AFAP1L2: variants seen among roughly 807,000 people sequenced by gnomAD.
AFAP1L2 encodes actin filament associated protein 1 like 2, also known as actin filament-associated protein 1-like 2.
Under a neutral mutation model 99.3 loss-of-function variants are expected in AFAP1L2, and 46 were observed. That is an observed-to-expected ratio of 0.46 (90% confidence interval 0.37 to 0.59). The LOEUF is 0.59. Ranked by LOEUF, AFAP1L2 falls within the 20% of genes least tolerant of loss-of-function variation. The probability of loss-of-function intolerance (pLI) is 0.00; values close to 1 mark genes in which losing one functional copy is unlikely to be tolerated. For missense variants in AFAP1L2, 959 were observed against 1,034.9 expected (o/e 0.93, Z 1.01); for synonymous variants, 397 against 419.1 (o/e 0.95, Z 0.64).
chr10:114,305,504 G>GAGATGC (rs2042099284), intron 10 of AFAP1L2, among the ~76,000 whole-genome samples: 9 of 136,460 alleles, frequency 6.6e-5, no homozygotes, highest in South Asian at 2.5e-4. Context: ...GCTGCAGGAG[G>GAGATGC]AGATGCAGGA....
intron 4 of AFAP1L2, chr10:114,325,940 G>A: frequency 7.8e-7 from 1 of 1,289,350 alleles, no homozygotes; most frequent in South Asian, 1.2e-5. Context: ...GATCTGGCTG[G>A]GCCTCCAGCT....
intron 4 of AFAP1L2, among the ~76,000 whole-genome samples, chr10:114,329,390 C>T (rs527317867): frequency 5.3e-5 from 8 of 152,216 alleles, no homozygotes; most frequent in Non-Finnish European, 1.0e-4. Flanking sequence ...GCTTGTAAAA[C>T]ACAATTTCTA....
the AFAP1L2 span, among the ~76,000 whole-genome samples, chr10:114,284,278 T>C: frequency 2.0e-5 from 3 of 152,242 alleles, no homozygotes; most frequent in African/African-American, 7.2e-5. Flanking sequence ...GTTTTTTTAG[T>C]GCTGAGACTT....
chr10:114,389,489 A>G (rs2056889883), intron 1 of AFAP1L2, among the ~76,000 whole-genome samples: 1 of 152,238 alleles, frequency 6.6e-6, no homozygotes, highest in Non-Finnish European at 1.5e-5. Context: ...ATCAGGTACT[A>G]GAAAAATCTA....
chr10:114,337,740 G>A (rs1013036606), intron 2 of AFAP1L2, among the ~76,000 whole-genome samples: 3 of 152,220 alleles, frequency 2.0e-5, no homozygotes, highest in African/African-American at 7.2e-5. Flanking sequence ...CAAGATCCAC[G>A]GGTCAGACTT....
chr10:114,371,611 T>C (rs2054111692), intron 1 of AFAP1L2, among the ~76,000 whole-genome samples: 2 of 150,684 alleles, frequency 1.3e-5, no homozygotes, highest in South Asian at 2.1e-4. Context: ...AGTTGAACAA[T>C]GAGAACACAT....
the AFAP1L2 span, among the ~76,000 whole-genome samples, chr10:114,287,822 G>T: frequency 6.6e-6 from 1 of 152,170 alleles, no homozygotes; most frequent in Non-Finnish European, 1.5e-5. Flanking sequence ...TATCATTAAT[G>T]AACCAGTATT....
Position 114,295,442 on chromosome 10 carries a change from T to C in AFAP1L2, c.*600A>G, listed in dbSNP as rs1474822612. The C allele has an allele frequency of 1.0e-6, 1 of 985,616 alleles. No individual in the cohort carries two copies. The highest frequency in any genetic ancestry group is 1.7e-5 in the African/African-American group (1 of 57,236). 61.1% of individuals were successfully genotyped at this position (985,616 alleles called of 1,614,324 possible). A position where few individuals can be genotyped will look rare whatever the true frequency, so the allele number is the denominator to read the frequency against. ...TAGTGCTTCAGCTTGGTCCCAAATA[T>C]TTTCCCCATTATTGTTTCTCAAAAC... On this transcript the variant is annotated 3_prime_UTR_variant, in exon 19 of 19. Coordinates refer to ENST00000304129, the MANE Select transcript of AFAP1L2 (RefSeq NM_001001936.3).
chr10:114,363,282 G>A, intron 1 of AFAP1L2: 1 of 642,366 alleles, frequency 1.6e-6, no homozygotes, highest in East Asian at 1.4e-4. Flanking sequence ...GTAACATGTA[G>A]CCTGCAGAAT....
rs114603002 is a variant in AFAP1L2, at chr10:114,321,175, T to C, written c.406+1996A>G. Among the ~76,000 whole-genome samples, 1,023 of 152,300 alleles carry C rather than the reference T, an allele frequency of 6.7e-3. 11 individuals are homozygous for C. The highest frequency in any genetic ancestry group is 0.024 in the African/African-American group (987 of 41,546). On this transcript the variant is annotated intron_variant, in intron 5 of 18. Coordinates refer to ENST00000304129, the MANE Select transcript of AFAP1L2 (RefSeq NM_001001936.3). ...TTGGGGTTCAGGTGGATGCATTCTT[T>C]AATGATGATTTCTGAGATAGTGCAC...
intron 1 of AFAP1L2, among the ~76,000 whole-genome samples, chr10:114,400,448 G>A (rs1326504450): frequency 1.3e-5 from 2 of 152,190 alleles, no homozygotes; most frequent in Non-Finnish European, 2.9e-5. Context: ...CAAGTACAAG[G>A]AGCAAACCCT....
At chr10:114,359,519 T>G (rs2051906780) in intron 1 of AFAP1L2, among the ~76,000 whole-genome samples, 1 of 152,202 alleles carries the variant, frequency 6.6e-6, no homozygotes, top group Non-Finnish European at 1.5e-5. Flanking sequence ...TGCAAATGGA[T>G]CAACTTTCCC....
rs58275552 is a variant in AFAP1L2 at position 114,312,234 on chromosome 10, AGTGTGTGTGTGTGTGTGTGTGTGTGT to A, written c.792+1611_792+1636del. Among the ~76,000 whole-genome samples the A allele has an allele frequency of 7.6e-5, 11 of 145,608 alleles. No individual in the cohort carries two copies. In the South Asian group the frequency reaches 1.6e-3, roughly 21 times the overall value. On this transcript the variant is annotated intron_variant, in intron 7 of 18. Transcript: ENST00000304129. ...AGCGGGGAACTGGGGGCAAGAGCAG[AGTGTGTGTGTGTGTGTGTGTGTGTGT>A]GTGTGTGTGTGTGTGTGTGTGTACA...
intron 1 of AFAP1L2, among the ~76,000 whole-genome samples, chr10:114,402,733 C>A (rs2058340589): frequency 6.6e-6 from 1 of 152,164 alleles, no homozygotes; most frequent in Non-Finnish European, 1.5e-5. Flanking sequence ...AATACAAAAG[C>A]CTTCTGAGAA....
chr10:114,327,150 TATATATATATATATA>T lies in AFAP1L2; in HGVS notation c.316-3904_316-3890del, dbSNP rs1193608567. ...AGACCGTGAATTTTATATATATTTA[TATATATATATATATA>T]TATATATATTTTTTTTTTAGGCAGA... On this transcript the variant is annotated intron_variant, in intron 4 of 18. Coordinates refer to ENST00000304129, the MANE Select transcript of AFAP1L2 (RefSeq NM_001001936.3). Among the ~76,000 whole-genome samples, 4 of 12,104 alleles carry T rather than the reference TATATATATATATATA, an allele frequency of 3.3e-4. 2 individuals carry two copies. In the East Asian group the frequency reaches 0.014, roughly 44 times the overall value. 7.9% of individuals were successfully genotyped at this position (12,104 alleles called of 152,430 possible).
In AFAP1L2 at chr10:114,340,679, C is replaced by T; in HGVS notation, c.69G>A (p.Gln23=). ...CCAGTGCTGTGCTGCTCAGGTTCTC[C>T]TGGTCAAGAATCTTGAGGAAGTCAT... is the stretch of plus-strand genomic sequence containing the variant. ...ELDDFLKILD[Q]ENLSSTALVK... The change falls in exon 2 of 19, where the codon CAG becomes CAA. Residue 23 remains glutamine, a synonymous_variant. Coordinates refer to ENST00000304129, the MANE Select transcript of AFAP1L2 (RefSeq NM_001001936.3). 1 of 1,614,212 alleles carries T rather than the reference C, an allele frequency of 6.2e-7. No homozygotes were observed. The highest frequency in any genetic ancestry group is 8.5e-7 in the Non-Finnish European group (1 of 1,180,032).
In AFAP1L2 at chr10:114,356,247, A is replaced by G. The variant is rs969028545; in HGVS notation, c.17-15516T>C. The stretch of plus-strand genomic sequence containing the variant: ...AGGAATAAAGTACATTAATATTTCT[A>G]TAATAAAATACACAATTATTTATAG... On this transcript the variant is annotated intron_variant, in intron 1 of 18. Coordinates refer to ENST00000304129, the MANE Select transcript of AFAP1L2 (RefSeq NM_001001936.3). 1.8e-4 allele frequency among the ~76,000 whole-genome samples: 28 copies of G among 152,344 alleles called. 1 individual carries two copies. The highest frequency in any genetic ancestry group is 1.7e-3 in the Admixed American group (26 of 15,300).
chr10:114,364,487 C>T (rs2052914990), intron 1 of AFAP1L2, among the ~76,000 whole-genome samples: 1 of 152,098 alleles, frequency 6.6e-6, no homozygotes, highest in Non-Finnish European at 1.5e-5. Flanking sequence ...GCATCCCTCC[C>T]ATCTCTGCCT....
chr10:114,297,075 G>A lies in AFAP1L2; in HGVS notation c.2333C>T (p.Ala778Val). Residue 778 changes from alanine (A) to valine (V), a missense_variant, in exon 18 of 19, where the codon GCC becomes GTC. Around this residue, in one of 2 missense-constraint regions of AFAP1L2, gnomAD observed 576 missense variants for 562.1 expected, o/e 1.02. Transcript: ENST00000304129. Reference protein sequence around the residue: ...PRPKAVTPASAPDCTPVNSAT... With the variant: ...PRPKAVTPASVPDCTPVNSAT... Reference sequence around the variant, plus strand: ...AGAGTTGACTGGGGTACAGTCTGGGGCAGAGGCAGGTGTGACAGCTTTGGG... The same window carrying A: ...AGAGTTGACTGGGGTACAGTCTGGGACAGAGGCAGGTGTGACAGCTTTGGG... The A allele has an allele frequency of 1.2e-6, 2 of 1,614,216 alleles. No individual in the cohort carries two copies. The highest frequency in any genetic ancestry group is 1.7e-6 in the Non-Finnish European group (2 of 1,180,040).
Sources: gnomAD v4.1 joint callset for allele counts (sites outside exome capture counted in the v4.1 genomes callset) on GRCh38, gnomAD v4.1.1 for gene constraint, gnomAD v4.1.1 regional missense constraint, MANE v1.5 for transcripts, NCBI Gene and HGNC (gene_info 2026-07-23, HGNC 2026-07-21) for gene names.